THSD7A: variants seen among roughly 807,000 people sequenced by gnomAD.
THSD7A encodes thrombospondin type 1 domain containing 7A, also known as thrombospondin type-1 domain-containing protein 7A.
A neutral mutation model predicts 231.3 loss-of-function variants in THSD7A; 96 were observed. The ratio of observed to expected loss-of-function variants is 0.41; its 90% CI spans 0.35 to 0.49. THSD7A has a LOEUF of 0.49. Ranked by LOEUF, THSD7A falls within the 20% of genes least tolerant of loss-of-function variation. The pLI is 0.05. For synonymous variants in THSD7A, 940 were observed against 743.3 expected (o/e 1.26, Z -4.30); for missense variants, 2,290 against 2,070.2 (o/e 1.11, Z -2.06).
At chr7:11,682,357 C>T (rs939885774) in intron 1 of THSD7A, among the ~76,000 whole-genome samples, 3 of 152,024 alleles carry the variant, frequency 2.0e-5, no homozygotes, top group African/African-American at 7.2e-5. Flanking sequence ...TTTAAGAGAT[C>T]TATCTCAAAT....
chr7:11,437,553 C>A (rs1208878162), intron 13 of THSD7A, among the ~76,000 whole-genome samples: 1 of 152,040 alleles, frequency 6.6e-6, no homozygotes, highest in Non-Finnish European at 1.5e-5. Context: ...AATACTCGCT[C>A]TACCTATGCT....
intron 6 of THSD7A, among the ~76,000 whole-genome samples, chr7:11,494,490 A>T (rs986473164): frequency 5.9e-5 from 9 of 152,028 alleles, no homozygotes; most frequent in Non-Finnish European, 1.2e-4. Context: ...ATTCTTTTAC[A>T]ATGTTGCTTT....
intron 1 of THSD7A, among the ~76,000 whole-genome samples, chr7:11,738,724 G>T (rs1290851392): frequency 6.6e-6 from 1 of 151,960 alleles, no homozygotes; most frequent in African/African-American, 2.4e-5. Flanking sequence ...AAGATGCTAT[G>T]CCACTGGCCT....
chr7:11,387,860 CTT>C (rs1231866614), intron 23 of THSD7A, among the ~76,000 whole-genome samples: 3 of 152,032 alleles, frequency 2.0e-5, no homozygotes, highest in Non-Finnish European at 4.4e-5. Flanking sequence ...ATAAATAGCT[CTT>C]ATTATTTTGA....
At chr7:11,571,938 TG>T (rs1489084223) in intron 4 of THSD7A, among the ~76,000 whole-genome samples, 1 of 152,198 alleles carries the variant, frequency 6.6e-6, no homozygotes, top group Non-Finnish European at 1.5e-5. Flanking sequence ...TTTAAGTTGA[TG>T]TTTTTTTAAC....
intron 1 of THSD7A, among the ~76,000 whole-genome samples, chr7:11,741,459 A>T (rs933912689): frequency 2.6e-5 from 4 of 151,934 alleles, no homozygotes; most frequent in African/African-American, 9.7e-5. Flanking sequence ...ATTTTGTGGG[A>T]ATATATATGC....
intron 4 of THSD7A, among the ~76,000 whole-genome samples, chr7:11,587,440 G>T (rs536906291): frequency 1.3e-4 from 20 of 152,220 alleles, no homozygotes; most frequent in Admixed American, 1.1e-3. Flanking sequence ...GATTGGGAGG[G>T]TTACCTACAG....
At chr7:11,680,350 T>A (rs931638418) in intron 1 of THSD7A, among the ~76,000 whole-genome samples, 1 of 151,956 alleles carries the variant, frequency 6.6e-6, no homozygotes, top group African/African-American at 2.4e-5. Flanking sequence ...AATTGACAAA[T>A]GGGATCTAAT....
intron 1 of THSD7A, among the ~76,000 whole-genome samples, chr7:11,682,891 G>T (rs573403611): frequency 6.6e-6 from 1 of 151,762 alleles, no homozygotes; most frequent in Non-Finnish European, 1.5e-5. Flanking sequence ...AAAAATCACC[G>T]AGGCTGCTGG....
At chr7:11,816,321 C>T (rs10270255) in intron 1 of THSD7A, among the ~76,000 whole-genome samples, 6 of 151,982 alleles carry the variant, frequency 3.9e-5, no homozygotes, top group Non-Finnish European at 5.9e-5. Context: ...CCCCTAAAAT[C>T]GTTATGCAAT....
At chr7:11,512,959 A>ATATATATATATATATATATATG (rs1449312863) in intron 6 of THSD7A, among the ~76,000 whole-genome samples, 11 of 142,628 alleles carry the variant, frequency 7.7e-5, no homozygotes, top group Admixed American at 1.4e-4. Context: ...ATATATATAT[A>ATATATATATATATATATATATG]TGTAAAATAC....
At chr7:11,449,069 T>A (rs911444200) in intron 11 of THSD7A, among the ~76,000 whole-genome samples, 1 of 152,098 alleles carries the variant, frequency 6.6e-6, no homozygotes, top group Non-Finnish European at 1.5e-5. Context: ...GTGGTTCTCA[T>A]GTCTGGCTGC....
intron 7 of THSD7A, among the ~76,000 whole-genome samples, chr7:11,478,533 T>C (rs1162919337): frequency 6.6e-6 from 1 of 152,056 alleles, no homozygotes; most frequent in Admixed American, 6.6e-5. Context: ...CAAATGGCTT[T>C]TTGGATAGAA....
At chr7:11,724,702 T>G (rs557097617) in intron 1 of THSD7A, among the ~76,000 whole-genome samples, 16 of 152,052 alleles carry the variant, frequency 1.1e-4, no homozygotes, top group Admixed American at 9.2e-4. Context: ...ATGGAAAAAG[T>G]CATTTTTAGA....
intron 1 of THSD7A, among the ~76,000 whole-genome samples, chr7:11,737,540 G>A (rs1265173063): frequency 6.6e-6 from 1 of 151,982 alleles, no homozygotes; most frequent in Admixed American, 6.6e-5. Flanking sequence ...GAAACTCTGT[G>A]CAAAGGTGCC....
intron 23 of THSD7A, among the ~76,000 whole-genome samples, chr7:11,395,733 G>A (rs1783159830): frequency 6.6e-6 from 1 of 151,914 alleles, no homozygotes; most frequent in East Asian, 1.9e-4. Context: ...TCACCATATT[G>A]GCCAGGCTGT....
chr7:11,463,448 A>G lies in THSD7A; in HGVS notation c.2369-1305T>C, dbSNP rs542664370. On this transcript the variant is annotated intron_variant, in intron 9 of 27. Transcript: ENST00000423059. ...GAATCTGGAAGCTGGGTTTGGGAAT[A>G]GGATATTTAAAAATCTTGCCAGGTA... Among the ~76,000 whole-genome samples the G allele has an allele frequency of 2.6e-5, 4 of 152,274 alleles. No homozygotes were observed. The East Asian group carries it at 7.7e-4, about 29-fold the overall frequency.
At chr7:11,668,659 G>A (rs920142269) in intron 1 of THSD7A, among the ~76,000 whole-genome samples, 4 of 152,078 alleles carry the variant, frequency 2.6e-5, no homozygotes, top group Non-Finnish European at 5.9e-5. Context: ...ACAACTAGGG[G>A]TAAATGGGTC....
At chr7:11,573,944 A>T (rs78436461) in intron 4 of THSD7A, among the ~76,000 whole-genome samples, 2 of 152,182 alleles carry the variant, frequency 1.3e-5, no homozygotes, top group Admixed American at 1.3e-4. Context: ...TCAATTCAAG[A>T]TCATGGAGCT....
Sources: gnomAD v4.1 joint callset for allele counts (sites outside exome capture counted in the v4.1 genomes callset) on GRCh38, gnomAD v4.1.1 for gene constraint, MANE v1.5 for transcripts, NCBI Gene and HGNC (gene_info 2026-07-23, HGNC 2026-07-21) for gene names.